The following ENPP6 variants were observed in gnomAD, a reference collection of about 807,000 sequenced individuals.
ENPP6 encodes the protein ectonucleotide pyrophosphatase/phosphodiesterase 6.
ENPP6 carries 32 observed loss-of-function variants against 42.0 expected under a neutral mutation model. The ratio of observed to expected loss-of-function variants is 0.76; its 90% CI spans 0.58 to 1.02. The LOEUF is 1.02. ENPP6 is among the 50% of genes least tolerant of loss of function. The pLI is 0.00. For missense variants in ENPP6, 552 were observed against 566.8 expected (o/e 0.97, Z 0.27); for synonymous variants, 213 against 216.0 (o/e 0.99, Z 0.12).
intron 2 of ENPP6, among the ~76,000 whole-genome samples, chr4:184,134,131 G>GATTTATTTATTTATTTATTT (rs60164895): frequency 0.049 from 7,212 of 147,226 alleles, 285 homozygotes; most frequent in Non-Finnish European, 0.059. Flanking sequence ...TTATGGAAGT[G>GATTTATTTATTTATTTATTT]ATTTATTTAT....
chr4:184,152,401 C>A (rs1737071118), intron 2 of ENPP6, among the ~76,000 whole-genome samples: 1 of 152,070 alleles, frequency 6.6e-6, no homozygotes, highest in Non-Finnish European at 1.5e-5. Flanking sequence ...ATCTCACAAC[C>A]CACCGCCCAC....
At chr4:184,179,569 C>T (rs1221658650) in intron 1 of ENPP6, among the ~76,000 whole-genome samples, 1 of 152,188 alleles carries the variant, frequency 6.6e-6, no homozygotes, top group African/African-American at 2.4e-5. Flanking sequence ...ACATTCTTCT[C>T]AACACCATAT....
intron 1 of ENPP6, among the ~76,000 whole-genome samples, chr4:184,211,652 C>T (rs2111125276): frequency 6.6e-6 from 1 of 152,188 alleles, no homozygotes; most frequent in African/African-American, 2.4e-5. Context: ...TGAATTCTAC[C>T]AGAGGTACAA....
chr4:184,109,161 A>C (rs1169070043), intron 6 of ENPP6, among the ~76,000 whole-genome samples: 1 of 152,104 alleles, frequency 6.6e-6, no homozygotes, highest in Admixed American at 6.5e-5. Context: ...CAGTGAGCTG[A>C]GATCGCACCA....
chr4:184,152,454 T>C (rs747148862), intron 2 of ENPP6, among the ~76,000 whole-genome samples: 2 of 152,000 alleles, frequency 1.3e-5, no homozygotes, highest in Non-Finnish European at 1.5e-5. Flanking sequence ...TCCAGACCAG[T>C]TCGACCCCCT....
rs1322647024 is a variant in ENPP6, at chr4:184,209,240, G to A, written c.241+8339C>T. Among the ~76,000 whole-genome samples, 9 of 151,490 alleles carry A rather than the reference G, an allele frequency of 5.9e-5. No homozygotes were observed. The East Asian group carries it at 1.2e-3, about 20-fold the overall frequency. ...AATGGAACAAAGCTGGATGGAGAAT[G>A]ACTTTGACGAGCTGAGAGAAGAAGG... On this transcript the variant is annotated intron_variant, in intron 1 of 7. Coordinates refer to ENST00000296741, the MANE Select transcript of ENPP6 (RefSeq NM_153343.4).
chr4:184,100,003 C>T (rs1735972420), intron 6 of ENPP6, among the ~76,000 whole-genome samples: 1 of 152,240 alleles, frequency 6.6e-6, no homozygotes, highest in Non-Finnish European at 1.5e-5. Flanking sequence ...GACTGATGGC[C>T]TGATTTAAGA....
intron 1 of ENPP6, among the ~76,000 whole-genome samples, chr4:184,206,411 C>T (rs1733000185): frequency 9.3e-6 from 1 of 107,614 alleles, no homozygotes; most frequent in Non-Finnish European, 1.9e-5. Flanking sequence ...GCGGGCGCCA[C>T]CAGGCCCGGC....
chr4:184,207,561 T>C (rs1477859826), intron 1 of ENPP6, among the ~76,000 whole-genome samples: 5 of 152,168 alleles, frequency 3.3e-5, no homozygotes, highest in Non-Finnish European at 4.4e-5. Flanking sequence ...GTGTTTTCAC[T>C]AGTTGATCCA....
At position 184,106,789 on chromosome 4, in the gene ENPP6, C is replaced by T. The variant is rs141910962; in HGVS notation, c.993+5883G>A. 1.1e-4 allele frequency among the ~76,000 whole-genome samples: 16 copies of T among 152,330 alleles called. No individual in the cohort carries two copies. In the East Asian group the frequency reaches 2.7e-3, roughly 26 times the overall value. ...GGGAGGGCAGGAGTGGGGGCAAGGACTCCCAGTGGCTCCCCACTGTGGAAT... is the reference window on the plus strand; with the variant it reads ...GGGAGGGCAGGAGTGGGGGCAAGGATTCCCAGTGGCTCCCCACTGTGGAAT... On this transcript the variant is annotated intron_variant, in intron 6 of 7. Coordinates refer to ENST00000296741, the MANE Select transcript of ENPP6 (RefSeq NM_153343.4).
At chr4:184,206,251 ATTTTTT>A (rs1554000365) in intron 1 of ENPP6, among the ~76,000 whole-genome samples, 3 of 93,392 alleles carry the variant, frequency 3.2e-5, no homozygotes, top group African/African-American at 1.3e-4. Flanking sequence ...GGAAGCTTGA[ATTTTTT>A]TTTTTTTTTT....
chr4:184,153,260 G>A (rs960438379), intron 2 of ENPP6, among the ~76,000 whole-genome samples: 1 of 151,818 alleles, frequency 6.6e-6, no homozygotes, highest in Admixed American at 6.6e-5. Context: ...CGAGTAGCTT[G>A]GATTACAGGC....
intron 2 of ENPP6, among the ~76,000 whole-genome samples, chr4:184,144,681 G>A (rs529394531): frequency 6.6e-6 from 1 of 152,330 alleles, no homozygotes; most frequent in Non-Finnish European, 1.5e-5. Context: ...ACCAGCGCCT[G>A]CTCCAGGTCA....
At chr4:184,173,039 G>A (rs569992813) in intron 1 of ENPP6, among the ~76,000 whole-genome samples, 100 of 152,100 alleles carry the variant, frequency 6.6e-4, no homozygotes, top group Non-Finnish European at 9.4e-4. Flanking sequence ...GAGTGGCTGG[G>A]TCTACAGGCG....
intron 6 of ENPP6, among the ~76,000 whole-genome samples, chr4:184,103,688 G>T (rs2111334359): frequency 6.6e-6 from 1 of 152,352 alleles, no homozygotes; most frequent in South Asian, 2.1e-4. Context: ...AAATTGTCCT[G>T]CAAAGAGGCT....
At chr4:184,147,696 G>A (rs570481569) in intron 2 of ENPP6, among the ~76,000 whole-genome samples, 1 of 151,506 alleles carries the variant, frequency 6.6e-6, no homozygotes, top group Non-Finnish European at 1.5e-5. Context: ...ACCTACTTAG[G>A]AAGCTGAGGT....
intron 2 of ENPP6, among the ~76,000 whole-genome samples, chr4:184,150,217 G>T (rs1355054516): frequency 6.6e-6 from 1 of 152,198 alleles, no homozygotes; most frequent in East Asian, 1.9e-4. Flanking sequence ...AACGCCTCAA[G>T]ACTTGAGGTG....
Position 184,089,469 on chromosome 4 carries a change from T to G in ENPP6, c.*1708A>C, listed in dbSNP as rs1368633385. On this transcript the variant is annotated 3_prime_UTR_variant, in exon 8 of 8. Coordinates refer to ENST00000296741, the MANE Select transcript of ENPP6 (RefSeq NM_153343.4). ...CCTCAATTAGTGCAAACTTTTTTTTTCTTTCTATTTTTTGGGGGGGGTGGA... is the reference window on the plus strand; with the variant it reads ...CCTCAATTAGTGCAAACTTTTTTTTGCTTTCTATTTTTTGGGGGGGGTGGA... 8.3e-6 allele frequency: 1 copy of G among 120,662 alleles called. No homozygotes were observed. The highest frequency in any genetic ancestry group is 2.8e-5 in the African/African-American group (1 of 36,060). 7.5% of individuals were successfully genotyped at this position (120,662 alleles called of 1,614,324 possible). A position where few individuals can be genotyped will look rare whatever the true frequency, so the allele number is the denominator to read the frequency against.
rs796714484 is a variant in ENPP6, at chr4:184,131,272, C to T, written c.422-7000G>A. On this transcript the variant is annotated intron_variant, in intron 2 of 7. Coordinates refer to ENST00000296741, the MANE Select transcript of ENPP6 (RefSeq NM_153343.4). ...TCTTTCTCTTTCTCTTCCTTCCTTC[C>T]TTCCTTCCTTCCTTCCTTCCTTCCT... Among the ~76,000 whole-genome samples, 33 of 64,282 alleles carry T rather than the reference C, an allele frequency of 5.1e-4. 4 individuals are homozygous for T. Among genetic ancestry groups the T allele is most frequent in the Middle Eastern group, 0.017 (2 of 116 alleles). The allele number at this position is 64,282 out of a possible 152,430, so 42.2% of individuals were successfully genotyped here.
Sources: allele counts gnomAD v4.1 joint callset (sites outside exome capture counted in the v4.1 genomes callset), GRCh38; gene constraint gnomAD v4.1.1; transcripts MANE v1.5; gene names NCBI Gene and HGNC (gene_info 2026-07-23, HGNC 2026-07-21).